Variants in TENM3 observed in about 807,000 individuals in gnomAD.
The protein encoded by TENM3 is teneurin-3.
In TENM3, 63 loss-of-function variants were observed where a neutral mutation model predicts 255.1. The observed-to-expected ratio is 0.25, with a 90% CI of 0.20 to 0.30. The LOEUF (loss-of-function observed/expected upper bound fraction) is 0.30, where lower values mean the gene tolerates loss of function less well. Ranked by LOEUF, TENM3 falls within the 10% of genes least tolerant of loss-of-function variation. TENM3 has a pLI of 1.00. For missense variants in TENM3, 2,929 were observed against 3,461.1 expected (o/e 0.85, Z 3.86); for synonymous variants, 1,306 against 1,322.3 (o/e 0.99, Z 0.27).
intron 12 of TENM3, among the ~76,000 whole-genome samples, chr4:182,692,241 C>T (rs1216638216): frequency 6.6e-6 from 1 of 152,186 alleles, no homozygotes; most frequent in African/African-American, 2.4e-5. Flanking sequence ...GCCATAGATG[C>T]AATGCAAATG....
At chr4:182,246,652 G>A (rs1445982798) in intron 1 of TENM3, among the ~76,000 whole-genome samples, 4 of 152,108 alleles carry the variant, frequency 2.6e-5, no homozygotes, top group African/African-American at 9.7e-5. Flanking sequence ...TAAACAAATG[G>A]GCTATGTCTG....
At chr4:182,530,851 T>C (rs1244086787) in intron 3 of TENM3, among the ~76,000 whole-genome samples, 1 of 152,198 alleles carries the variant, frequency 6.6e-6, no homozygotes, top group Non-Finnish European at 1.5e-5. Flanking sequence ...TGGAGTTTGG[T>C]GCCATTTACT....
At chr4:182,304,236 G>A (rs765721629) in intron 1 of TENM3, among the ~76,000 whole-genome samples, 31 of 151,066 alleles carry the variant, frequency 2.1e-4, no homozygotes, top group East Asian at 9.7e-4. Context: ...TTTTTGAGAC[G>A]CAGTCTTGCT....
chr4:182,417,189 G>C (rs1472146672), intron 3 of TENM3, among the ~76,000 whole-genome samples: 2 of 151,868 alleles, frequency 1.3e-5, no homozygotes, highest in African/African-American at 4.8e-5. Flanking sequence ...TGTCAGCCAG[G>C]ATGGTCTCGA....
At chr4:182,086,665 T>C in the TENM3 span, among the ~76,000 whole-genome samples, 1 of 152,208 alleles carries the variant, frequency 6.6e-6, no homozygotes, top group Non-Finnish European at 1.5e-5. Context: ...TAAGAAATAT[T>C]GAAGAGCAGA....
chr4:181,910,953 GT>G, the TENM3 span, among the ~76,000 whole-genome samples: 1 of 151,980 alleles, frequency 6.6e-6, no homozygotes, highest in East Asian at 1.9e-4. Flanking sequence ...TATTATCAAT[GT>G]TGCTGCAATG....
chr4:181,452,782 C>T, the TENM3 span, among the ~76,000 whole-genome samples: 1 of 152,196 alleles, frequency 6.6e-6, no homozygotes, highest in Admixed American at 6.5e-5. Flanking sequence ...AAAGGGCTAA[C>T]ACTTTCATTT....
chr4:181,522,177 G>A, the TENM3 span, among the ~76,000 whole-genome samples: 2 of 145,888 alleles, frequency 1.4e-5, no homozygotes, highest in African/African-American at 5.0e-5. Context: ...TGGGTGCTAT[G>A]TATAGAGCAG....
At position 182,800,085 on chromosome 4, in the gene TENM3, A is replaced by C; in HGVS notation, c.7834A>C (p.Thr2612Pro). 6.3e-7 allele frequency: 1 copy of C among 1,590,436 alleles called. No individual in the cohort carries two copies. Among genetic ancestry groups the C allele is most frequent in the Non-Finnish European group, 8.6e-7 (1 of 1,169,340 alleles). ...ALALHVRYGM[T>P]LDEEKARILE... ...GGCGCTGCACGTGCGCTACGGCATG[A>C]CCCTGGACGAGGAGAAGGCGCGCAT... The change falls in exon 28 of 28, where the codon ACC becomes CCC. Residue 2612 changes from threonine to proline, a missense_variant. Coordinates refer to ENST00000511685, the MANE Select transcript of TENM3 (RefSeq NM_001080477.4).
intron 4 of TENM3, among the ~76,000 whole-genome samples, chr4:182,608,525 G>A (rs1748649925): frequency 6.6e-6 from 1 of 152,212 alleles, no homozygotes; most frequent in Admixed American, 6.5e-5. Context: ...TGTCAGGAGA[G>A]CTCACGTGCG....
the TENM3 span, among the ~76,000 whole-genome samples, chr4:181,889,711 G>A: frequency 6.6e-6 from 1 of 152,264 alleles, no homozygotes; most frequent in South Asian, 2.1e-4. Context: ...TTGGAACTGT[G>A]CCTTCCATTG....
In TENM3 at chr4:182,603,784, T is replaced by TATATATAC. The variant is rs58332965; in HGVS notation, c.749+2624_749+2625insTATATACA. Among the ~76,000 whole-genome samples, 550 of 134,202 alleles carry TATATATAC rather than the reference T, an allele frequency of 4.1e-3. 8 individuals carry two copies. The highest frequency in any genetic ancestry group is 0.014 in the African/African-American group (494 of 36,460). 88.0% of individuals were successfully genotyped at this position (134,202 alleles called of 152,430 possible). On this transcript the variant is annotated intron_variant, in intron 4 of 27. Transcript: ENST00000511685. ...AATTATTTATATATATATATATATA[T>TATATATAC]ACACACACACACCGATTTTGCTAAT...
At chr4:181,970,905 T>C in the TENM3 span, among the ~76,000 whole-genome samples, 2 of 152,234 alleles carry the variant, frequency 1.3e-5, no homozygotes, top group Admixed American at 1.3e-4. Flanking sequence ...GAAAGATTTT[T>C]ATTAAGCTTT....
the TENM3 span, among the ~76,000 whole-genome samples, chr4:181,451,500 A>G: frequency 1.3e-5 from 2 of 152,178 alleles, no homozygotes; most frequent in Non-Finnish European, 2.9e-5. Context: ...GGAGAATAGA[A>G]CAGATGTAGA....
Position 182,325,341 on chromosome 4 carries a change from T to G in TENM3, c.232+1089T>G, listed in dbSNP as rs775675173. On this transcript the variant is annotated intron_variant, in intron 2 of 27. Transcript: ENST00000511685. ...TTCCCTGCATTGTGCAAAGAGCCAT[T>G]GTAACTAGATTGAAATAGTGTTCAC... Among the ~76,000 whole-genome samples, 4 of 152,206 alleles carry G rather than the reference T, an allele frequency of 2.6e-5. No homozygotes were observed. In the South Asian group the frequency reaches 6.2e-4, roughly 24 times the overall value.
intron 1 of TENM3, among the ~76,000 whole-genome samples, chr4:182,253,124 T>C (rs1758137157): frequency 6.6e-6 from 1 of 152,204 alleles, no homozygotes; most frequent in Non-Finnish European, 1.5e-5. Context: ...TTAACACAAG[T>C]CTGTGAACAT....
chr4:181,852,703 T>C, the TENM3 span, among the ~76,000 whole-genome samples: 1 of 152,342 alleles, frequency 6.6e-6, no homozygotes, highest in African/African-American at 2.4e-5. Context: ...TCTGTATTAA[T>C]ATTTCAGCGC....
chr4:181,468,463 A>G, the TENM3 span, among the ~76,000 whole-genome samples: 2 of 152,138 alleles, frequency 1.3e-5, no homozygotes, highest in Non-Finnish European at 2.9e-5. Context: ...AGCAATTTCT[A>G]TTTCTGCATG....
the TENM3 span, among the ~76,000 whole-genome samples, chr4:181,938,423 A>G: frequency 6.6e-6 from 1 of 152,208 alleles, no homozygotes; most frequent in African/African-American, 2.4e-5. Flanking sequence ...TACTTTGCAG[A>G]ATAGTCAAGG....
Sources: gnomAD v4.1 joint callset for allele counts (sites outside exome capture counted in the v4.1 genomes callset) on GRCh38, gnomAD v4.1.1 for gene constraint, MANE v1.5 for transcripts, NCBI Gene and HGNC (gene_info 2026-07-23, HGNC 2026-07-21) for gene names.